Variants in HNRNPUL2 observed in about 807,000 individuals in gnomAD.
The protein encoded by HNRNPUL2 is heterogeneous nuclear ribonucleoprotein U like 2.
A neutral mutation model predicts 102.2 loss-of-function variants in HNRNPUL2; 27 were observed. The observed-to-expected ratio is 0.26, with a 90% CI of 0.19 to 0.36. The LOEUF is 0.36. Ranked by LOEUF, HNRNPUL2 falls within the 10% of genes least tolerant of loss-of-function variation. HNRNPUL2 has a pLI of 1.00. For missense variants in HNRNPUL2, 936 were observed against 981.1 expected (o/e 0.95, Z 0.61); for synonymous variants, 458 against 387.2 (o/e 1.18, Z -2.15).
intron 10 of HNRNPUL2, among the ~76,000 whole-genome samples, chr11:62,718,928 C>G (rs1462266906): frequency 6.6e-6 from 1 of 151,412 alleles, no homozygotes; most frequent in South Asian, 2.1e-4. Context: ...TAGGTTCAAG[C>G]AATTCTCTGC....
At chr11:62,725,378 T>C (rs1041352258) in intron 1 of HNRNPUL2, among the ~76,000 whole-genome samples, 2 of 152,198 alleles carry the variant, frequency 1.3e-5, no homozygotes, top group Non-Finnish European at 2.9e-5. Flanking sequence ...TTTGTATTTT[T>C]ACTAGAGACA....
rs2083634567 is a variant in HNRNPUL2, at chr11:62,713,497, G to C, written c.*1802C>G. 1 of 152,220 alleles carries C rather than the reference G, an allele frequency of 6.6e-6. No individual in the cohort carries two copies. Among genetic ancestry groups the C allele is most frequent in the Admixed American group, 6.5e-5 (1 of 15,278 alleles). The allele number at this position is 152,220 out of a possible 1,614,324, so 9.4% of individuals were successfully genotyped here. A position where few individuals can be genotyped will look rare whatever the true frequency, so the allele number is the denominator to read the frequency against. ...CATTTGAGGACACCGCAGGGAAGCA[G>C]GTGCCAAGAGAAAGGACATGACTAT... On this transcript the variant is annotated 3_prime_UTR_variant, in exon 14 of 14. Transcript: ENST00000301785.
intron 10 of HNRNPUL2, 48 bp from the exon 11 acceptor site, chr11:62,717,237 G>T: frequency 7.2e-7 from 1 of 1,390,922 alleles, no homozygotes; most frequent in Non-Finnish European, 1.0e-6. Flanking sequence ...TGCATAGATG[G>T]GTAAGAACTC....
chr11:62,716,037 G>A (rs1247396504), intron 11 of HNRNPUL2, 100 bp from the exon 12 acceptor site: 4 of 831,324 alleles, frequency 4.8e-6, no homozygotes, highest in Non-Finnish European at 7.3e-6. Context: ...CAATTCTGGG[G>A]GAATATGAGG....
chr11:62,713,828 T>A lies in HNRNPUL2; in HGVS notation c.*1471A>T, dbSNP rs926426522. On this transcript the variant is annotated 3_prime_UTR_variant, in exon 14 of 14. Coordinates refer to ENST00000301785, the MANE Select transcript of HNRNPUL2 (RefSeq NM_001079559.3). Reference sequence around the variant, plus strand: ...TGAGTAAGCTCTTGGCTGACAGTGCTGAGCAGGAGGATGAATGAAAACTGA... The same window carrying A: ...TGAGTAAGCTCTTGGCTGACAGTGCAGAGCAGGAGGATGAATGAAAACTGA... The A allele has an allele frequency of 6.6e-6, 1 of 152,254 alleles. No individual in the cohort carries two copies. Among genetic ancestry groups the A allele is most frequent in the Admixed American group, 6.5e-5 (1 of 15,280 alleles). 9.4% of individuals were successfully genotyped at this position (152,254 alleles called of 1,614,324 possible).
At position 62,714,576 on chromosome 11, in the gene HNRNPUL2, G is replaced by C. The variant is rs184156785; in HGVS notation, c.*723C>G. On this transcript the variant is annotated 3_prime_UTR_variant, in exon 14 of 14. Transcript: ENST00000301785. Reference sequence around the variant, plus strand: ...GCTCTGCCATCAAGGACAGTCCCCAGGCTTTCTTGGCCTGGGAATCCTGTA... The same window carrying C: ...GCTCTGCCATCAAGGACAGTCCCCACGCTTTCTTGGCCTGGGAATCCTGTA... 1.3e-5 allele frequency: 2 copies of C among 152,282 alleles called. No individual in the cohort carries two copies. The highest frequency in any genetic ancestry group is 3.9e-4 in the East Asian group (2 of 5,176). 9.4% of individuals were successfully genotyped at this position (152,282 alleles called of 1,614,324 possible).
chr11:62,726,766 G>A lies in HNRNPUL2; in HGVS notation c.391C>T (p.Pro131Ser). The change falls in exon 1 of 14, where the codon CCG becomes TCG. Residue 131 changes from proline to serine, a missense_variant. Transcript: ENST00000301785. ...AAAEPDASEK[P>S]AEATAGSGGV... ...CCTGACCCGGCCGTGGCCTCCGCCGGCTTCTCGGAAGCATCTGGCTCGGCC... is the reference window on the plus strand; with the variant it reads ...CCTGACCCGGCCGTGGCCTCCGCCGACTTCTCGGAAGCATCTGGCTCGGCC... 2 of 1,600,976 alleles carry A rather than the reference G, an allele frequency of 1.2e-6. No homozygotes were observed. The highest frequency in any genetic ancestry group is 8.5e-7 in the Non-Finnish European group (1 of 1,179,468).
At chr11:62,720,612 C>A (rs1003821118) in intron 9 of HNRNPUL2, among the ~76,000 whole-genome samples, 1 of 150,534 alleles carries the variant, frequency 6.6e-6, no homozygotes, top group Non-Finnish European at 1.5e-5. Flanking sequence ...ATCCTGTTAT[C>A]CCAGCACTTT....
Position 62,713,565 on chromosome 11 carries a change from G to T in HNRNPUL2, c.*1734C>A, listed in dbSNP as rs564471366. 1 of 152,294 alleles carries T rather than the reference G, an allele frequency of 6.6e-6. No homozygotes were observed. The highest frequency in any genetic ancestry group is 6.5e-5 in the Admixed American group (1 of 15,290). 9.4% of individuals were successfully genotyped at this position (152,294 alleles called of 1,614,324 possible). ...TCCTACCAGCCCCATTCCAGCCTTG[G>T]GGTCAGAGGTATTTGGGCGGAAGGG... is the stretch of plus-strand genomic sequence containing the variant. On this transcript the variant is annotated 3_prime_UTR_variant, in exon 14 of 14. Transcript: ENST00000301785.
chr11:62,722,670 C>T lies in HNRNPUL2; in HGVS notation c.1026G>A (p.Lys342=). The T allele has an allele frequency of 6.2e-7, 1 of 1,614,168 alleles. No homozygotes were observed. Among genetic ancestry groups the T allele is most frequent in the South Asian group, 1.1e-5 (1 of 91,086 alleles). ...ATTCCTCAAATTGTCCATTTTCTGC[C>T]TTGAGTCCTCGTCCATCGAAACCGT... The part of the protein sequence containing the change: ...FSYGFDGRGL[K]AENGQFEEFG... Residue 342 remains lysine (K), a synonymous_variant, in exon 6 of 14, where the codon AAG becomes AAA. Transcript: ENST00000301785.
intron 10 of HNRNPUL2, among the ~76,000 whole-genome samples, chr11:62,718,068 T>C (rs950833132): frequency 6.6e-6 from 1 of 152,168 alleles, no homozygotes; most frequent in Non-Finnish European, 1.5e-5. Flanking sequence ...ACTGGCATAG[T>C]TCATTCTCAG....
intron 13 of HNRNPUL2, 40 bp downstream of exon 13, chr11:62,715,460 G>A: frequency 1.9e-6 from 3 of 1,574,538 alleles, no homozygotes; most frequent in Non-Finnish European, 2.6e-6. Flanking sequence ...TTCTGCTCCT[G>A]CCCCCCTTCA....
At chr11:62,719,952 C>A in intron 10 of HNRNPUL2, 71 bp downstream of exon 10, 3 of 1,415,184 alleles carry the variant, frequency 2.1e-6, no homozygotes, top group Non-Finnish European at 3.0e-6. Flanking sequence ...GGAAATAAAC[C>A]TCTATTACTT....
At position 62,724,366 on chromosome 11, in the gene HNRNPUL2, A is replaced by AC. The variant is rs1318200709; in HGVS notation, c.598dup (p.Val200GlyfsTer7). The AC allele has an allele frequency of 6.2e-7, 1 of 1,613,010 alleles. No homozygotes were observed. Among genetic ancestry groups the AC allele is most frequent in the Non-Finnish European group, 8.5e-7 (1 of 1,179,442 alleles). On this transcript the variant is annotated frameshift_variant, in exon 2 of 14. Transcript: ENST00000301785. LOFTEE classifies it high-confidence loss of function. The stretch of plus-strand genomic sequence containing the variant: ...ATCCTTCTCATCCCGCTGTCTCTTT[A>AC]CCCCCCGCCGCTCACCATCTGAGCC...
rs1554989355 is a variant in HNRNPUL2 at position 62,727,228 on chromosome 11, G to GCGCCCC, written c.-73_-72insGGGGCG. 7.7e-7 allele frequency: 1 copy of GCGCCCC among 1,298,120 alleles called. No individual in the cohort carries two copies. Among genetic ancestry groups the GCGCCCC allele is most frequent in the Non-Finnish European group, 9.7e-7 (1 of 1,025,676 alleles). 80.4% of individuals were successfully genotyped at this position (1,298,120 alleles called of 1,614,324 possible). On this transcript the variant is annotated 5_prime_UTR_variant, in exon 1 of 14. Coordinates refer to ENST00000301785, the MANE Select transcript of HNRNPUL2 (RefSeq NM_001079559.3). The stretch of plus-strand genomic sequence containing the variant: ...CCGTCGACCGAGTCCGACCGCGCAG[G>GCGCCCC]CGCCGCCGCCGCCGCCCGCCTCCGC...
chr11:62,722,071 C>T (rs901442561), intron 7 of HNRNPUL2, 46 bp downstream of exon 7: 1 of 1,604,368 alleles, frequency 6.2e-7, no homozygotes, highest in Non-Finnish European at 8.5e-7. Flanking sequence ...ACGCACCCAC[C>T]TCTGCAAAGC....
rs1398324917 is a variant in HNRNPUL2 at position 62,715,376 on chromosome 11, G to A, written c.2167C>T (p.Gln723Ter). 2 of 1,612,252 alleles carry A rather than the reference G, an allele frequency of 1.2e-6. No individual in the cohort carries two copies. The highest frequency in any genetic ancestry group is 2.7e-5 in the African/African-American group (2 of 74,592). ...DYYRQYNRDWQSYYYHHPQDR... is the reference protein window; with the variant it reads ...DYYRQYNRDW ...TGGGGGTGGTGGTAGTAGTAACTCT[G>A]CCACTAGAAGAGAGGGAAACCCCAT... The change falls in exon 14 of 14, where the codon CAG becomes TAG. Residue 723 changes from glutamine to a stop codon, truncating the protein, a stop_gained. Transcript: ENST00000301785. LOFTEE classifies it high-confidence loss of function.
rs113109055 is a variant in HNRNPUL2 at position 62,717,192 on chromosome 11, A to G, written c.1781-3T>C. On this transcript the variant is annotated splice_region_variant and splice_polypyrimidine_tract_variant and intron_variant, in intron 10 of 13. Transcript: ENST00000301785. Reference sequence around the variant, plus strand: ...TTTTTCAGGCAAAGAGAAGTTGGCTATAAGAGTAAGAGAGAAGCTTGTGGG... The same window carrying G: ...TTTTTCAGGCAAAGAGAAGTTGGCTGTAAGAGTAAGAGAGAAGCTTGTGGG... 1.7e-5 allele frequency: 27 copies of G among 1,612,838 alleles called. No individual in the cohort carries two copies. The highest frequency in any genetic ancestry group is 2.2e-5 in the East Asian group (1 of 44,892).
Position 62,714,875 on chromosome 11 carries a change from A to AC in HNRNPUL2, c.*423dup, listed in dbSNP as rs1170527524. 1 of 167,200 alleles carries AC rather than the reference A, an allele frequency of 6.0e-6. No homozygotes were observed. Among genetic ancestry groups the AC allele is most frequent in the Non-Finnish European group, 1.3e-5 (1 of 77,832 alleles). 10.4% of individuals were successfully genotyped at this position (167,200 alleles called of 1,614,324 possible). On this transcript the variant is annotated 3_prime_UTR_variant, in exon 14 of 14. Coordinates refer to ENST00000301785, the MANE Select transcript of HNRNPUL2 (RefSeq NM_001079559.3). ...GAGAGCACCCTCGCGCTGCCTCCCC[A>AC]CCCTCCCCACACCACCTCATCACTC...
Sources: allele counts gnomAD v4.1 joint callset (sites outside exome capture counted in the v4.1 genomes callset), GRCh38; gene constraint gnomAD v4.1.1; transcripts MANE v1.5; gene names NCBI Gene and HGNC (gene_info 2026-07-23, HGNC 2026-07-21).